Variants in FBXO10 observed in about 807,000 individuals in gnomAD.
FBXO10 encodes the protein F-box only protein 10.
In FBXO10, 39 loss-of-function variants were observed where a neutral mutation model predicts 80.7. That is an observed-to-expected ratio of 0.48 (90% CI 0.37 to 0.63). FBXO10 has a LOEUF of 0.63. Ranked by LOEUF, FBXO10 falls within the 30% of genes least tolerant of loss-of-function variation. FBXO10 has a pLI of 0.00. For synonymous variants in FBXO10, 449 were observed against 489.6 expected, an observed-to-expected ratio of 0.92 and a Z score of 1.09; for missense variants, 1,025 against 1,269.0, an observed-to-expected ratio of 0.81 and a Z score of 2.92.
In FBXO10 at chr9:37,531,207, G is replaced by T. The variant is rs138635326; in HGVS notation, c.1569+702C>A. 1.3e-3 allele frequency among the ~76,000 whole-genome samples: 201 copies of T among 152,232 alleles called. 1 individual carries two copies. The highest frequency in any genetic ancestry group is 4.8e-3 in the African/African-American group (198 of 41,536). On this transcript the variant is annotated intron_variant, in intron 4 of 10. Coordinates refer to ENST00000432825, the MANE Select transcript of FBXO10 (RefSeq NM_012166.3). ...TAATAAGCATTATGTATTAATGGTG[G>T]CTATTATTTTTTCAAGCCCATAAAA...
chr9:37,568,549 T>C (rs545582504), intron 1 of FBXO10, among the ~76,000 whole-genome samples: 26 of 152,338 alleles, frequency 1.7e-4, no homozygotes, highest in African/African-American at 6.0e-4. Flanking sequence ...CTTTGTTTTC[T>C]CAGGTAAATT....
At chr9:37,526,945 G>A (rs904489339) in intron 5 of FBXO10, among the ~76,000 whole-genome samples, 5 of 151,832 alleles carry the variant, frequency 3.3e-5, no homozygotes, top group Non-Finnish European at 7.4e-5. Flanking sequence ...TCGCCTCCCG[G>A]GTTCAAGCGA....
intron 2 of FBXO10, 85 bp from the exon 3 acceptor site, chr9:37,538,028 G>T: frequency 9.6e-7 from 1 of 1,046,500 alleles, no homozygotes; most frequent in Non-Finnish European, 1.4e-6. Flanking sequence ...GGTAGAACAT[G>T]GAAAGGCCAT....
chr9:37,535,724 T>G lies in FBXO10; in HGVS notation c.1419+1386A>C, dbSNP rs531838903. Among the ~76,000 whole-genome samples the G allele has an allele frequency of 4.6e-5, 7 of 152,266 alleles. No homozygotes were observed. The South Asian group carries it at 1.5e-3, about 32-fold the overall frequency. On this transcript the variant is annotated intron_variant, in intron 3 of 10. Transcript: ENST00000432825. Reference sequence around the variant, plus strand: ...TGCCAGCCTTTACCCTCCTGGGATGTTCTAGAGGACAGAGCCAGGTGACAG... The same window carrying G: ...TGCCAGCCTTTACCCTCCTGGGATGGTCTAGAGGACAGAGCCAGGTGACAG...
chr9:37,567,709 T>C (rs1276390712), intron 1 of FBXO10, among the ~76,000 whole-genome samples: 1 of 152,128 alleles, frequency 6.6e-6, no homozygotes, highest in Non-Finnish European at 1.5e-5. Flanking sequence ...TTTGCATTTT[T>C]AGTAGAGATG....
chr9:37,529,282 C>T (rs1347280206), intron 4 of FBXO10, 22 bp from the exon 5 acceptor site: 1 of 1,590,680 alleles, frequency 6.3e-7, no homozygotes, highest in Non-Finnish European at 8.6e-7. Flanking sequence ...AATGAGACAC[C>T]ACAGAAGCCA....
In FBXO10 at chr9:37,558,496, T is replaced by C. The variant is rs542867997; in HGVS notation, c.-6-16722A>G. 2.6e-5 allele frequency among the ~76,000 whole-genome samples: 4 copies of C among 152,348 alleles called. No homozygotes were observed. In the South Asian group the frequency reaches 6.2e-4, roughly 24 times the overall value. On this transcript the variant is annotated intron_variant, in intron 1 of 10. Transcript: ENST00000432825. Reference sequence around the variant, plus strand: ...CAGCACTGACAATTTCTCTCCCAGATGGGTTTCCCCCATTTCCCATAGTAG... The same window carrying C: ...CAGCACTGACAATTTCTCTCCCAGACGGGTTTCCCCCATTTCCCATAGTAG...
chr9:37,537,455 C>T lies in FBXO10; in HGVS notation c.1074G>A (p.Leu358=), dbSNP rs373735502. The T allele has an allele frequency of 3.7e-6, 6 of 1,605,036 alleles. No individual in the cohort carries two copies. The South Asian group carries it at 5.6e-5, about 15-fold the overall frequency. The change falls in exon 3 of 11, where the codon CTG becomes CTA. Residue 358 remains leucine (L), a synonymous_variant. Coordinates refer to ENST00000432825, the MANE Select transcript of FBXO10 (RefSeq NM_012166.3). ...AQTPDSSDGG[L]SPSGEDEDED... is the part of the protein sequence containing the mutation. ...CATCTTCATCCTCACCGCTGGGACT[C>T]AGGCCTCCATCGCTGCTGTCCGGGG...
chr9:37,569,527 T>C (rs2119198685), intron 1 of FBXO10, among the ~76,000 whole-genome samples: 1 of 150,660 alleles, frequency 6.6e-6, no homozygotes, highest in South Asian at 2.1e-4. Context: ...TTGAACACCA[T>C]TAACAAACTT....
intron 10 of FBXO10, among the ~76,000 whole-genome samples, chr9:37,514,758 T>C (rs1180172133): frequency 1.3e-5 from 2 of 152,042 alleles, no homozygotes; most frequent in African/African-American, 2.4e-5. Flanking sequence ...CGCTTGAATC[T>C]GGGAGGAAGA....
intron 1 of FBXO10, among the ~76,000 whole-genome samples, chr9:37,552,714 A>G (rs1822233184): frequency 6.8e-6 from 1 of 147,336 alleles, no homozygotes. Flanking sequence ...AAAAAAAAAG[A>G]ACAGACATTT....
chr9:37,559,643 G>T (rs1822427248), intron 1 of FBXO10, among the ~76,000 whole-genome samples: 1 of 152,178 alleles, frequency 6.6e-6, no homozygotes, highest in Non-Finnish European at 1.5e-5. Flanking sequence ...GGTCAAATGG[G>T]GCCACAAGAC....
intron 1 of FBXO10, among the ~76,000 whole-genome samples, chr9:37,548,834 T>C (rs1298948137): frequency 1.3e-5 from 2 of 152,030 alleles, no homozygotes; most frequent in African/African-American, 2.4e-5. Context: ...CTGCAACCTC[T>C]TCCTCCTGGG....
chr9:37,568,421 C>CGTCAG (rs1230551515), intron 1 of FBXO10, among the ~76,000 whole-genome samples: 1 of 152,146 alleles, frequency 6.6e-6, no homozygotes, highest in African/African-American at 2.4e-5. Flanking sequence ...TGGTCTCGAA[C>CGTCAG]TCCTGACCTC....
chr9:37,530,735 T>G (rs1821598979), intron 4 of FBXO10, among the ~76,000 whole-genome samples: 1 of 152,124 alleles, frequency 6.6e-6, no homozygotes, highest in African/African-American at 2.4e-5. Flanking sequence ...CAGACTCAAG[T>G]GATCCTCCCA....
intron 1 of FBXO10, among the ~76,000 whole-genome samples, chr9:37,542,393 C>G (rs1821942993): frequency 6.6e-6 from 1 of 151,820 alleles, no homozygotes; most frequent in South Asian, 2.1e-4. Flanking sequence ...GTTGGGAGTT[C>G]AAGACCAGCC....
rs754576307 is a variant in FBXO10, at chr9:37,521,608, T to C, written c.2161A>G (p.Ile721Val). 1 of 1,613,848 alleles carries C rather than the reference T, an allele frequency of 6.2e-7. No individual in the cohort carries two copies. The highest frequency in any genetic ancestry group is 2.2e-5 in the East Asian group (1 of 44,878). ...EDDPLRRPIT[I>V]ALVESNSINH... ...ATACTGTTAGACTCAACAAGAGCTA[T>C]GGTGATGGGCCGGCGCAGTGGGTCG... The change falls in exon 8 of 11, where the codon ATA becomes GTA. Residue 721 changes from isoleucine (I) to valine (V), a missense_variant. This residue lies in a region of FBXO10 where 478 missense variants were observed against 667.8 expected (regional missense o/e 0.72). Transcript: ENST00000432825.
At chr9:37,534,425 C>T (rs936044418) in intron 3 of FBXO10, among the ~76,000 whole-genome samples, 1 of 152,076 alleles carries the variant, frequency 6.6e-6, no homozygotes, top group African/African-American at 2.4e-5. Flanking sequence ...CGTGCCACTG[C>T]AGTCCGGCCT....
intron 2 of FBXO10, among the ~76,000 whole-genome samples, chr9:37,538,708 CAA>C (rs34975108): frequency 7.1e-4 from 49 of 69,482 alleles, no homozygotes; most frequent in Non-Finnish European, 6.4e-4. Flanking sequence ...ACTCGGTGTC[CAA>C]AAAAAAAAAA....
Sources: allele counts gnomAD v4.1 joint callset (sites outside exome capture counted in the v4.1 genomes callset), GRCh38; gene constraint gnomAD v4.1.1; regional missense constraint gnomAD v4.1.1; transcripts MANE v1.5; gene names NCBI Gene and HGNC (gene_info 2026-07-23, HGNC 2026-07-21).